The following BRD1 variants were observed in gnomAD, a reference collection of about 807,000 sequenced individuals.
BRD1 encodes the protein bromodomain-containing protein 1.
Under a neutral mutation model 107.7 loss-of-function variants are expected in BRD1, and 24 were observed. The ratio of observed to expected loss-of-function variants is 0.22; its 90% CI spans 0.16 to 0.31. The LOEUF is 0.31. Ranked by LOEUF, BRD1 falls within the 10% of genes least tolerant of loss-of-function variation. BRD1 has a pLI of 1.00. For missense variants in BRD1, 1,279 were observed against 1,638.6 expected, an observed-to-expected ratio of 0.78 and a Z score of 3.79; for synonymous variants, 744 against 686.1, an observed-to-expected ratio of 1.08 and a Z score of -1.32.
chr22:49,777,152 C>G lies in BRD1; in HGVS notation c.3003G>C (p.Ala1001=), dbSNP rs376099852. The G allele has an allele frequency of 1.9e-6, 3 of 1,612,854 alleles. No individual in the cohort carries two copies. In the African/African-American group the frequency reaches 4.0e-5, roughly 22 times the overall value. ...NSPLCDSSFN[A]PKCGRGKPAL... is the part of the protein sequence containing the mutation. ...CCGGTTTGCCCCGCCCACATTTGGGCGCATTAAAGCTTCGGGAGGAAGAGC... is the reference window on the plus strand; with the variant it reads ...CCGGTTTGCCCCGCCCACATTTGGGGGCATTAAAGCTTCGGGAGGAAGAGC... The change falls in exon 10 of 13, where the codon GCG becomes GCC. Residue 1001 remains alanine (A), a synonymous_variant. Transcript: ENST00000404760.
chr22:49,790,297 G>A (rs890104516), intron 7 of BRD1, among the ~76,000 whole-genome samples: 5 of 152,148 alleles, frequency 3.3e-5, no homozygotes, highest in East Asian at 3.9e-4. Context: ...AGCCCAACCC[G>A]TCCCTCGAGT....
intron 2 of BRD1, among the ~76,000 whole-genome samples, chr22:49,816,778 G>C (rs1294212853): frequency 1.3e-5 from 2 of 152,222 alleles, no homozygotes; most frequent in African/African-American, 4.8e-5. Context: ...TGCAGGAAGT[G>C]AGTCCAGGTA....
chr22:49,785,127 G>A (rs2059297293), intron 8 of BRD1, among the ~76,000 whole-genome samples: 2 of 152,250 alleles, frequency 1.3e-5, no homozygotes, highest in Admixed American at 1.3e-4. Flanking sequence ...TGGCCCGGAG[G>A]GGACACGTGC....
At chr22:49,793,760 G>A (rs1193788509) in intron 7 of BRD1, among the ~76,000 whole-genome samples, 2 of 152,202 alleles carry the variant, frequency 1.3e-5, no homozygotes, top group Non-Finnish European at 2.9e-5. Flanking sequence ...TCAGGCCCAA[G>A]TTAAAGAGAA....
At chr22:49,807,382 G>A (rs750165287) in intron 2 of BRD1, among the ~76,000 whole-genome samples, 8 of 152,100 alleles carry the variant, frequency 5.3e-5, no homozygotes, top group Non-Finnish European at 1.0e-4. Flanking sequence ...ACAAAGCTAC[G>A]GTCATCAAAA....
intron 8 of BRD1, among the ~76,000 whole-genome samples, chr22:49,784,815 G>A (rs2059291083): frequency 6.6e-6 from 1 of 152,216 alleles, no homozygotes; most frequent in Non-Finnish European, 1.5e-5. Flanking sequence ...AGCACGCCCA[G>A]CCCTTCCCCG....
At chr22:49,781,898 C>T (rs1249734991) in intron 8 of BRD1, among the ~76,000 whole-genome samples, 2 of 151,572 alleles carry the variant, frequency 1.3e-5, no homozygotes, top group African/African-American at 2.4e-5. Context: ...ACAATGCAGC[C>T]GGGGACGGTC....
chr22:49,789,499 C>CT (rs368697470), intron 7 of BRD1, among the ~76,000 whole-genome samples: 1 of 150,822 alleles, frequency 6.6e-6, no homozygotes, highest in African/African-American at 2.4e-5. Context: ...CTCCCCCCCC[C>CT]GCCCCGAGCT....
In BRD1 at chr22:49,794,179, G is replaced by T; in HGVS notation, c.2214C>A (p.Ser738Arg). 1.2e-6 allele frequency: 2 copies of T among 1,614,218 alleles called. No individual in the cohort carries two copies. The highest frequency in any genetic ancestry group is 1.7e-6 in the Non-Finnish European group (2 of 1,180,048). ...CCTTTTTGAGCAGCTTTGCCCGCTT[G>T]CTCCGGGAGCCGCTGGACTTCATAG... ...TCAMKSSGSR[S>R]KRAKLLKKEI... Residue 738 changes from serine to arginine, a missense_variant, in exon 7 of 13, where the codon AGC becomes AGA. Transcript: ENST00000404760.
At chr22:49,781,043 A>C (rs772275091) in intron 8 of BRD1, among the ~76,000 whole-genome samples, 5 of 152,186 alleles carry the variant, frequency 3.3e-5, no homozygotes, top group African/African-American at 4.8e-5. Flanking sequence ...GGTGACTGTG[A>C]GAAATACGTT....
intron 1 of BRD1, among the ~76,000 whole-genome samples, chr22:49,825,464 A>G (rs540654950): frequency 6.6e-6 from 1 of 152,252 alleles, no homozygotes; most frequent in East Asian, 1.9e-4. Flanking sequence ...CTGCTGTCCC[A>G]ACACCACGGA....
At position 49,823,556 on chromosome 22, in the gene BRD1, G is replaced by C; in HGVS notation, c.762C>G (p.Gly254=). The part of the protein sequence containing the change: ...ECYGVPYIPE[G]QWLCRHCLQS... Reference sequence around the variant, plus strand: ...GCAGGCAGTGGCGGCAGAGCCACTGGCCCTCGGGGATGTAGGGCACCCCGT... The same window carrying C: ...GCAGGCAGTGGCGGCAGAGCCACTGCCCCTCGGGGATGTAGGGCACCCCGT... Residue 254 remains glycine, a synonymous_variant, in exon 2 of 13, where the codon GGC becomes GGG. Coordinates refer to ENST00000404760, the MANE Select transcript of BRD1 (RefSeq NM_001304808.3). The C allele has an allele frequency of 2.5e-6, 4 of 1,602,370 alleles. No homozygotes were observed. Among genetic ancestry groups the C allele is most frequent in the Non-Finnish European group, 3.4e-6 (4 of 1,173,462 alleles).
At chr22:49,818,358 A>T (rs1300619327) in intron 2 of BRD1, 1 of 1,228,790 alleles carries the variant, frequency 8.1e-7, no homozygotes, top group Non-Finnish European at 1.0e-6. Context: ...CTTTTAAGAC[A>T]CTTTCTACTT....
Position 49,798,575 on chromosome 22 carries a change from G to T in BRD1, c.1768C>A (p.Pro590Thr), listed in dbSNP as rs781422435. Residue 590 changes from proline to threonine, a missense_variant, in exon 5 of 13, where the codon CCC (proline) becomes ACC (threonine). Pro to Thr is a conservative substitution (Grantham distance 38, BLOSUM62 -1). Around this residue, in one of 7 missense-constraint regions of BRD1, gnomAD observed 406 missense variants for 519.4 expected, o/e 0.78. Transcript: ENST00000404760. ...DKDPARIFAQPVSLKEVPDYL... is the reference protein window; with the variant it reads ...DKDPARIFAQTVSLKEVPDYL... ...ACACCCACCTCCTTCAGACTCACGG[G>T]CTGCGCAAATATCCTGGCGGGGTCC... 1.2e-6 allele frequency: 2 copies of T among 1,614,082 alleles called. No individual in the cohort carries two copies. Among genetic ancestry groups the T allele is most frequent in the African/African-American group, 1.3e-5 (1 of 74,948 alleles).
rs1251188474 is a variant in BRD1, at chr22:49,823,533, A to T, written c.785T>A (p.Leu262Gln). The change falls in exon 2 of 13, where the codon CTG (leucine) becomes CAG (glutamine). Residue 262 changes from leucine (L) to glutamine (Q), a missense_variant. Around this residue, in one of 7 missense-constraint regions of BRD1, gnomAD observed 158 missense variants for 310.2 expected, o/e 0.51. Transcript: ENST00000404760. ...PEGQWLCRHC[L>Q]QSRARPADCV... is the part of the protein sequence containing the mutation. Reference sequence around the variant, plus strand: ...GTCGGCGGGCCGGGCCCGCGACTGCAGGCAGTGGCGGCAGAGCCACTGGCC... The same window carrying T: ...GTCGGCGGGCCGGGCCCGCGACTGCTGGCAGTGGCGGCAGAGCCACTGGCC... 6.2e-7 allele frequency: 1 copy of T among 1,600,986 alleles called. No individual in the cohort carries two copies. The highest frequency in any genetic ancestry group is 8.5e-7 in the Non-Finnish European group (1 of 1,172,942).
intron 8 of BRD1, among the ~76,000 whole-genome samples, chr22:49,781,221 G>T (rs2059201576): frequency 6.6e-6 from 1 of 152,142 alleles, no homozygotes; most frequent in Admixed American, 6.5e-5. Flanking sequence ...CAAAGGAGAT[G>T]GCGCAAAGGT....
intron 8 of BRD1, among the ~76,000 whole-genome samples, chr22:49,786,402 T>C (rs1278890807): frequency 6.6e-6 from 1 of 152,156 alleles, no homozygotes; most frequent in Admixed American, 6.5e-5. Context: ...CTCCTCAAAG[T>C]GCTCCCAGCA....
At chr22:49,781,063 G>A (rs898759826) in intron 8 of BRD1, among the ~76,000 whole-genome samples, 1 of 152,034 alleles carries the variant, frequency 6.6e-6, no homozygotes, top group Non-Finnish European at 1.5e-5. Context: ...TAAAAGAGGC[G>A]GCGGCTGCCA....
rs367855960 is a variant in BRD1 at position 49,808,900 on chromosome 22, T to G, written c.1368-4540A>C. 8.5e-5 allele frequency among the ~76,000 whole-genome samples: 13 copies of G among 152,090 alleles called. No individual in the cohort carries two copies. The South Asian group carries it at 1.5e-3, about 17-fold the overall frequency. On this transcript the variant is annotated intron_variant, in intron 2 of 12. Transcript: ENST00000404760. ...TTTGGAAGCCGAGGCAGGCAGATCATGAGGTCAGGAGTTCAAGACCAGCCT... is the reference window on the plus strand; with the variant it reads ...TTTGGAAGCCGAGGCAGGCAGATCAGGAGGTCAGGAGTTCAAGACCAGCCT...
Sources: gnomAD v4.1 joint callset for allele counts (sites outside exome capture counted in the v4.1 genomes callset) on GRCh38, gnomAD v4.1.1 for gene constraint, gnomAD v4.1.1 regional missense constraint, MANE v1.5 for transcripts, NCBI Gene and HGNC (gene_info 2026-07-23, HGNC 2026-07-21) for gene names.